The following ARHGEF28 variants were observed in gnomAD, a reference collection of about 807,000 sequenced individuals.
The protein encoded by ARHGEF28 is 190 kDa guanine nucleotide exchange factor.
ARHGEF28 carries 152 observed loss-of-function variants against 206.6 expected under a neutral mutation model. The ratio of observed to expected loss-of-function variants is 0.74; its 90% CI spans 0.64 to 0.84. ARHGEF28 has a LOEUF of 0.84. Among genes scored for constraint, ARHGEF28 ranks in the 40% least tolerant of loss-of-function variants. The pLI, the probability that ARHGEF28 is intolerant of heterozygous loss-of-function variation, is 0.00. For missense variants in ARHGEF28, 2,028 were observed against 2,073.2 expected (o/e 0.98, Z 0.42); for synonymous variants, 763 against 776.4 (o/e 0.98, Z 0.29).
intron 5 of ARHGEF28, among the ~76,000 whole-genome samples, chr5:73,774,588 G>T (rs1753438218): frequency 6.6e-6 from 1 of 152,058 alleles, no homozygotes; most frequent in Non-Finnish European, 1.5e-5. Flanking sequence ...TAGTCAATTT[G>T]GTGGTCATTA....
In ARHGEF28 at chr5:73,911,309, A is replaced by G. The variant is rs1363360655; in HGVS notation, c.4682A>G (p.His1561Arg). ...CTTAATCGATCTGAGAGTTTATGTC[A>G]TGAAAACTCATTCTTCATCAATGAA... is the stretch of plus-strand genomic sequence containing the variant. ...MELNRSESLC[H>R]ENSFFINEAL... The change falls in exon 35 of 36, where the codon CAT (histidine) becomes CGT (arginine). Residue 1561 changes from histidine to arginine, a missense_variant. Around this residue, in one of 3 missense-constraint regions of ARHGEF28, gnomAD observed 803 missense variants for 768.0 expected, o/e 1.05. Coordinates refer to ENST00000513042, the MANE Select transcript of ARHGEF28 (RefSeq NM_001177693.2). 1 of 1,605,462 alleles carries G rather than the reference A, an allele frequency of 6.2e-7. No homozygotes were observed. The highest frequency in any genetic ancestry group is 8.5e-7 in the Non-Finnish European group (1 of 1,175,168).
At chr5:73,894,678 G>A (rs1336806173) in intron 29 of ARHGEF28, 103 bp downstream of exon 29, 1 of 1,324,524 alleles carries the variant, frequency 7.5e-7, no homozygotes, top group African/African-American at 1.5e-5. Flanking sequence ...GGATACAGCA[G>A]AACAAGACAA....
At chr5:73,735,221 A>T (rs965294717) in intron 2 of ARHGEF28, among the ~76,000 whole-genome samples, 1 of 149,394 alleles carries the variant, frequency 6.7e-6, no homozygotes, top group African/African-American at 2.5e-5. Context: ...ACATTTATTA[A>T]TTTTTATTAA....
chr5:73,627,944 T>G (rs1013596976), intron 1 of ARHGEF28, among the ~76,000 whole-genome samples: 1 of 152,182 alleles, frequency 6.6e-6, no homozygotes, highest in African/African-American at 2.4e-5. Flanking sequence ...ACAGGTTGTA[T>G]AGCAGGCGTG....
chr5:73,892,487 C>T (rs1001481258), intron 27 of ARHGEF28, among the ~76,000 whole-genome samples: 8 of 152,318 alleles, frequency 5.3e-5, no homozygotes, highest in Admixed American at 2.0e-4. Flanking sequence ...TCCATGAGGA[C>T]CCCTTCAGTC....
chr5:73,904,676 C>T, intron 33 of ARHGEF28: 1 of 444,332 alleles, frequency 2.3e-6, no homozygotes, highest in African/African-American at 2.0e-5. Context: ...TTGACATTTA[C>T]AATGAAACTC....
At chr5:73,809,218 A>AC (rs1472902693) in intron 9 of ARHGEF28, among the ~76,000 whole-genome samples, 2 of 151,806 alleles carry the variant, frequency 1.3e-5, no homozygotes, top group African/African-American at 4.9e-5. Flanking sequence ...AAAAAAACAA[A>AC]ACACAAAAAA....
chr5:73,670,380 A>G (rs1746231668), intron 1 of ARHGEF28, among the ~76,000 whole-genome samples: 1 of 152,204 alleles, frequency 6.6e-6, no homozygotes, highest in South Asian at 2.1e-4. Flanking sequence ...TGTATTATCT[A>G]TAATACTGAA....
rs1425412137 is a variant in ARHGEF28 at position 73,916,388 on chromosome 5, A to G, written c.4948+4813A>G. Among the ~76,000 whole-genome samples the G allele has an allele frequency of 7.2e-5, 11 of 152,206 alleles. 1 individual carries two copies. The highest frequency in any genetic ancestry group is 6.5e-4 in the Admixed American group (10 of 15,280). On this transcript the variant is annotated intron_variant, in intron 35 of 35. Transcript: ENST00000513042. ...AATGTATTTGTTGACTAGGGCTGCCATAACAAAGTACCACAGGCTAGGGGG... is the reference window on the plus strand; with the variant it reads ...AATGTATTTGTTGACTAGGGCTGCCGTAACAAAGTACCACAGGCTAGGGGG...
intron 7 of ARHGEF28, among the ~76,000 whole-genome samples, chr5:73,787,498 A>G (rs1045799122): frequency 3.3e-5 from 5 of 152,148 alleles, no homozygotes; most frequent in Admixed American, 6.6e-5. Context: ...TCAACCCGTC[A>G]TCTACATTAG....
chr5:73,829,539 C>T (rs1232762020), intron 9 of ARHGEF28, among the ~76,000 whole-genome samples: 2 of 152,026 alleles, frequency 1.3e-5, no homozygotes, highest in Non-Finnish European at 2.9e-5. Context: ...GCCACCATGC[C>T]CGGCTAATTT....
intron 5 of ARHGEF28, 63 bp from the exon 6 acceptor site, chr5:73,776,453 G>A: frequency 6.9e-7 from 1 of 1,458,078 alleles, no homozygotes; most frequent in Non-Finnish European, 9.3e-7. Context: ...TGATCCTAAG[G>A]GCTGGGATCC....
At chr5:73,908,109 T>G (rs1010843260) in intron 33 of ARHGEF28, among the ~76,000 whole-genome samples, 6 of 152,216 alleles carry the variant, frequency 3.9e-5, no homozygotes, top group Non-Finnish European at 5.9e-5. Context: ...TGGATGATAA[T>G]CATTGTTTTA....
chr5:73,774,621 G>A (rs868169179), intron 5 of ARHGEF28, among the ~76,000 whole-genome samples: 18 of 152,112 alleles, frequency 1.2e-4, no homozygotes, highest in Non-Finnish European at 1.8e-4. Context: ...ATAATGTAAA[G>A]GAAATAATTT....
rs759623151 is a variant in ARHGEF28, at chr5:73,752,991, A to G, written c.264A>G (p.Ser88=). 1.6e-5 allele frequency: 26 copies of G among 1,613,572 alleles called. No individual in the cohort carries two copies. Among genetic ancestry groups the G allele is most frequent in the Admixed American group, 5.0e-5 (3 of 59,960 alleles). Residue 88 remains serine, a synonymous_variant, in exon 4 of 36, where the codon TCA becomes TCG. Coordinates refer to ENST00000513042, the MANE Select transcript of ARHGEF28 (RefSeq NM_001177693.2). ...CTCCGGTGACCATGGGCTCTGGCTCAGTGACCTACGTGGACAACATGGCTT... is the reference window on the plus strand; with the variant it reads ...CTCCGGTGACCATGGGCTCTGGCTCGGTGACCTACGTGGACAACATGGCTT... The part of the protein sequence containing the change: ...GYSPVTMGSG[S]VTYVDNMACR...
At chr5:73,806,803 T>C (rs1755525553) in intron 9 of ARHGEF28, among the ~76,000 whole-genome samples, 1 of 138,654 alleles carries the variant, frequency 7.2e-6, no homozygotes, top group African/African-American at 2.7e-5. Context: ...ATCGTATACA[T>C]CTATATGTGC....
At chr5:73,770,152 G>A (rs1753143094) in intron 4 of ARHGEF28, among the ~76,000 whole-genome samples, 1 of 152,210 alleles carries the variant, frequency 6.6e-6, no homozygotes, top group African/African-American at 2.4e-5. Flanking sequence ...TGCTTCAGAT[G>A]CCTGGAAGCT....
intron 35 of ARHGEF28, among the ~76,000 whole-genome samples, chr5:73,934,666 A>G (rs866051457): frequency 1.3e-5 from 2 of 152,146 alleles, no homozygotes; most frequent in African/African-American, 4.8e-5. Context: ...ATGGAACACA[A>G]CGCTGTCGGG....
Position 73,703,671 on chromosome 5 carries a change from G to GTGTGTGTGTT in ARHGEF28, c.33+18790_33+18791insGTGTGTTTGT, listed in dbSNP as rs377711723. ...ATTGTGTGTGTGTGTGTGTGTGTGTGTGTTATGAGTTTTGTCTATCTTCGT... is the reference window on the plus strand; with the variant it reads ...ATTGTGTGTGTGTGTGTGTGTGTGTGTGTGTGTGTTTGTTATGAGTTTTGTCTATCTTCGT... On this transcript the variant is annotated intron_variant, in intron 2 of 35. Transcript: ENST00000513042. Among the ~76,000 whole-genome samples the GTGTGTGTGTT allele has an allele frequency of 1.4e-3, 213 of 151,746 alleles. 1 individual carries two copies. The highest frequency in any genetic ancestry group is 2.0e-3 in the Admixed American group (31 of 15,246).
Sources: allele counts gnomAD v4.1 joint callset (sites outside exome capture counted in the v4.1 genomes callset), GRCh38; gene constraint gnomAD v4.1.1; regional missense constraint gnomAD v4.1.1; transcripts MANE v1.5; gene names NCBI Gene and HGNC (gene_info 2026-07-23, HGNC 2026-07-21).